KCNMA1: variants seen among roughly 807,000 people sequenced by gnomAD.
KCNMA1 encodes the protein Calcium-activated potassium channel subunit alpha-1.
KCNMA1 carries 29 observed loss-of-function variants against 140.0 expected under a neutral mutation model. That is an observed-to-expected ratio of 0.21 (90% CI 0.15 to 0.28). The LOEUF is 0.28. Ranked by LOEUF, KCNMA1 falls within the 10% of genes least tolerant of loss-of-function variation. The probability of loss-of-function intolerance (pLI) is 1.00; values close to 1 mark genes in which losing one functional copy is unlikely to be tolerated. For missense variants in KCNMA1, 880 were observed against 1,602.2 expected (o/e 0.55, Z 7.70); for synonymous variants, 612 against 611.9 (o/e 1.00, Z 0.00).
At chr10:76,918,419 C>T (rs1401347880) in intron 23 of KCNMA1, among the ~76,000 whole-genome samples, 1 of 152,206 alleles carries the variant, frequency 6.6e-6, no homozygotes, top group Non-Finnish European at 1.5e-5. Context: ...ACCCATAGCA[C>T]TTTGTTGATC....
intron 1 of KCNMA1, among the ~76,000 whole-genome samples, chr10:77,532,060 A>T (rs1365005083): frequency 6.6e-6 from 1 of 152,024 alleles, no homozygotes; most frequent in Non-Finnish European, 1.5e-5. Context: ...GAAGAGGAAA[A>T]CTACCCAGCT....
intron 19 of KCNMA1, among the ~76,000 whole-genome samples, chr10:76,983,900 A>T (rs1033755679): frequency 3.3e-5 from 5 of 152,208 alleles, no homozygotes; most frequent in Non-Finnish European, 5.9e-5. Flanking sequence ...AGACCATAAA[A>T]AAAACAGTAA....
chr10:77,278,513 A>G (rs1268282054), intron 2 of KCNMA1, among the ~76,000 whole-genome samples: 1 of 152,194 alleles, frequency 6.6e-6, no homozygotes, highest in Non-Finnish European at 1.5e-5. Context: ...CACTGGATTG[A>G]ACTGCTGCTA....
intron 1 of KCNMA1, among the ~76,000 whole-genome samples, chr10:77,599,610 T>C (rs2082005704): frequency 1.3e-5 from 2 of 152,194 alleles, no homozygotes; most frequent in Admixed American, 1.3e-4. Context: ...CTATCTGTCT[T>C]CAGATTAAGT....
intron 3 of KCNMA1, among the ~76,000 whole-genome samples, chr10:77,221,772 A>G (rs1180271241): frequency 6.6e-6 from 1 of 152,166 alleles, no homozygotes; most frequent in Non-Finnish European, 1.5e-5. Flanking sequence ...TCAAATTCTC[A>G]AGAAAGTCTA....
chr10:77,324,979 G>C (rs367790920), intron 2 of KCNMA1, among the ~76,000 whole-genome samples: 4,630 of 80,116 alleles, frequency 0.058, 109 homozygotes, highest in Non-Finnish European at 0.11. Context: ...CTCTGTGTGT[G>C]TGTGTGTGTG....
chr10:77,403,068 T>G (rs2096331113), intron 2 of KCNMA1, among the ~76,000 whole-genome samples: 1 of 152,206 alleles, frequency 6.6e-6, no homozygotes, highest in Non-Finnish European at 1.5e-5. Context: ...TCATGTCTCA[T>G]GTACCCCTCA....
intron 3 of KCNMA1, among the ~76,000 whole-genome samples, chr10:77,187,785 A>AT (rs1012462507): frequency 8.5e-5 from 13 of 152,080 alleles, no homozygotes; most frequent in Non-Finnish European, 1.8e-4. Flanking sequence ...GTCCTGCCTG[A>AT]TTTTTTTCAA....
intron 19 of KCNMA1, among the ~76,000 whole-genome samples, chr10:76,999,694 T>G (rs999102273): frequency 5.9e-5 from 9 of 152,138 alleles, no homozygotes; most frequent in African/African-American, 2.2e-4. Context: ...CTAAGGATTG[T>G]AACAGAAATC....
At chr10:77,311,794 T>C (rs1395828209) in intron 2 of KCNMA1, among the ~76,000 whole-genome samples, 1 of 152,166 alleles carries the variant, frequency 6.6e-6, no homozygotes, top group African/African-American at 2.4e-5. Flanking sequence ...TGGATCTGCC[T>C]CTCAGGGACC....
At chr10:77,422,069 GAAC>G (rs1287203585) in intron 1 of KCNMA1, among the ~76,000 whole-genome samples, 1 of 152,234 alleles carries the variant, frequency 6.6e-6, no homozygotes, top group Admixed American at 6.5e-5. Context: ...TTCAGTCAAG[GAAC>G]CTGTTCAACA....
chr10:76,888,884 C>A (rs1361900692), intron 27 of KCNMA1, among the ~76,000 whole-genome samples: 3 of 151,828 alleles, frequency 2.0e-5, no homozygotes, highest in East Asian at 1.9e-4. Flanking sequence ...GGCCAACAAG[C>A]CTTCTCTCTA....
intron 5 of KCNMA1, among the ~76,000 whole-genome samples, chr10:77,125,435 C>T (rs774095363): frequency 6.6e-6 from 1 of 152,260 alleles, no homozygotes; most frequent in Non-Finnish European, 1.5e-5. Context: ...GGCCTCTGCA[C>T]ATGCAGCCTC....
At chr10:77,277,616 C>T (rs1279460056) in intron 2 of KCNMA1, among the ~76,000 whole-genome samples, 1 of 152,146 alleles carries the variant, frequency 6.6e-6, no homozygotes, top group Non-Finnish European at 1.5e-5. Context: ...CCCCAGGGGG[C>T]TTATTCTCTG....
chr10:77,607,967 T>A (rs1444861849), intron 1 of KCNMA1, among the ~76,000 whole-genome samples: 1 of 152,148 alleles, frequency 6.6e-6, no homozygotes, highest in Non-Finnish European at 1.5e-5. Flanking sequence ...TGCCTTCCCG[T>A]AACATATTGT....
At chr10:76,977,955 A>G (rs1592589204) in intron 19 of KCNMA1, among the ~76,000 whole-genome samples, 1 of 152,344 alleles carries the variant, frequency 6.6e-6, no homozygotes, top group Non-Finnish European at 1.5e-5. Context: ...ACAAGACAAC[A>G]GATTAACCAT....
intron 1 of KCNMA1, among the ~76,000 whole-genome samples, chr10:77,546,913 A>G (rs2061575487): frequency 6.6e-6 from 1 of 152,190 alleles, no homozygotes; most frequent in East Asian, 1.9e-4. Flanking sequence ...TCACCCAGCA[A>G]CAGTGAGACC....
chr10:77,208,798 A>G (rs1001709485), intron 3 of KCNMA1, among the ~76,000 whole-genome samples: 3 of 152,152 alleles, frequency 2.0e-5, no homozygotes, highest in Non-Finnish European at 4.4e-5. Flanking sequence ...TGATTCCCCA[A>G]TGTGACCCTC....
intron 2 of KCNMA1, among the ~76,000 whole-genome samples, chr10:77,298,842 G>A (rs1303956836): frequency 1.3e-5 from 2 of 152,212 alleles, no homozygotes; most frequent in Non-Finnish European, 1.5e-5. Context: ...TGTGTGCAGG[G>A]CAGGCAGGAC....
Sources: gnomAD v4.1 joint callset for allele counts (sites outside exome capture counted in the v4.1 genomes callset) on GRCh38, gnomAD v4.1.1 for gene constraint, MANE v1.5 for transcripts, NCBI Gene and HGNC (gene_info 2026-07-23, HGNC 2026-07-21) for gene names.